The following DRD4 variants were observed in gnomAD, a reference collection of about 807,000 sequenced individuals.
DRD4 encodes the protein dopamine receptor D4.
In DRD4, 26 loss-of-function variants were observed where a neutral mutation model predicts 22.1. The observed-to-expected ratio is 1.17, with a 90% CI of 0.86 to 1.63. The LOEUF is 1.63. DRD4 is among the 40% of genes most tolerant of loss of function. The pLI is 0.00. For synonymous variants in DRD4, 455 were observed against 306.7 expected (o/e 1.48, Z -5.05); for missense variants, 913 against 632.4 (o/e 1.44, Z -4.76).
chr11:637,384 C>G lies in DRD4; in HGVS notation c.80C>G (p.Ser27Cys), dbSNP rs1022471416. 12 of 1,417,798 alleles carry G rather than the reference C, an allele frequency of 8.5e-6. No individual in the cohort carries two copies. In the African/African-American group the frequency reaches 1.8e-4, roughly 21 times the overall value. The allele number at this position is 1,417,798 out of a possible 1,614,324, so 87.8% of individuals were successfully genotyped here. A position where few individuals can be genotyped will look rare whatever the true frequency, so the allele number is the denominator to read the frequency against. ...GPAAGASAGA[S>C]AGLAGQGAAA... ...GCCGCGGGGGCATCTGCGGGGGCAT[C>G]TGCGGGGCTGGCTGGGCAGGGCGCG... Residue 27 changes from serine (S) to cysteine (C), a missense_variant, in exon 1 of 4, where the codon TCT becomes TGT. Physicochemically the swap from Ser to Cys is moderately radical, Grantham distance 112. Transcript: ENST00000176183.
Position 639,994 on chromosome 11 carries a change from C to G in DRD4, c.745C>G (p.Pro249Ala). 1 of 1,316,938 alleles carries G rather than the reference C, an allele frequency of 7.6e-7. No individual in the cohort carries two copies. The highest frequency in any genetic ancestry group is 9.6e-7 in the Non-Finnish European group (1 of 1,044,654). 81.6% of individuals were successfully genotyped at this position (1,316,938 alleles called of 1,614,324 possible). A position where few individuals can be genotyped will look rare whatever the true frequency, so the allele number is the denominator to read the frequency against. The change falls in exon 3 of 4, where the codon CCC (proline) becomes GCC (alanine). Residue 249 changes from proline to alanine, a missense_variant. Physicochemically the swap from Pro to Ala is conservative, Grantham distance 27 (BLOSUM62 -1). Transcript: ENST00000176183. ...CCCTGGCCCGCCTTCCCCCACGCCACCCGCGCCCCGCCTCCCCCAGGACCC... is the reference window on the plus strand; with the variant it reads ...CCCTGGCCCGCCTTCCCCCACGCCAGCCGCGCCCCGCCTCCCCCAGGACCC... ...SGPGPPSPTP[P>A]APRLPQDPCG...
chr11:640,283 T>C lies in DRD4; in HGVS notation c.1034T>C (p.Met345Thr), dbSNP rs1199097177. The change falls in exon 3 of 4, where the codon ATG becomes ACG. Residue 345 changes from methionine (M) to threonine (T), a missense_variant. Transcript: ENST00000176183. Reference protein sequence around the residue: ...AKITGRERKAMRVLPVVVGAF... With the variant: ...AKITGRERKATRVLPVVVGAF... The stretch of plus-strand genomic sequence containing the variant: ...ATCACCGGCCGGGAGCGCAAGGCCA[T>C]GAGGGTCCTGCCGGTGGTGGTCGGT... The C allele has an allele frequency of 1.3e-6, 2 of 1,533,696 alleles. No individual in the cohort carries two copies. The highest frequency in any genetic ancestry group is 2.4e-5 in the East Asian group (1 of 41,080).
At chr11:637,781 GCTGT>G (rs1858098062) in intron 1 of DRD4, among the ~76,000 whole-genome samples, 192 bp downstream of exon 1, 2 of 152,194 alleles carry the variant, frequency 1.3e-5, no homozygotes, top group African/African-American at 2.4e-5. Flanking sequence ...CACCCGCTGC[GCTGT>G]CTGTCCCCCG....
In DRD4 at chr11:639,782, G is replaced by T. The variant is rs2133251443; in HGVS notation, c.533G>T (p.Arg178Leu). 6.3e-7 allele frequency: 1 copy of T among 1,578,118 alleles called. No homozygotes were observed. The highest frequency in any genetic ancestry group is 8.5e-7 in the Non-Finnish European group (1 of 1,170,838). ...APVLCGLNDV[R>L]GRDPAVCRLE... ...GTACTGTGCGGCCTCAACGACGTGC[G>T]CGGCCGCGACCCCGCCGTGTGCCGC... Residue 178 changes from arginine (R) to leucine (L), a missense_variant, in exon 3 of 4, where the codon CGC (arginine) becomes CTC (leucine). Physicochemically the swap from Arg to Leu is moderately radical, Grantham distance 102. Coordinates refer to ENST00000176183, the MANE Select transcript of DRD4 (RefSeq NM_000797.4).
chr11:639,562 GCCCGCGCCCCGGCGCC>G lies in DRD4; in HGVS notation c.398+29_398+44del, dbSNP rs775045452. ...CGTGGACAGGTGCGCCGCCCTCCCC[GCCCGCGCCCCGGCGCC>G]CCCGCGCCCCGCCCGCCGCCCTCAC... On this transcript the variant is annotated intron_variant, in intron 2 of 3. Coordinates refer to ENST00000176183, the MANE Select transcript of DRD4 (RefSeq NM_000797.4). 222 of 1,437,026 alleles carry G rather than the reference GCCCGCGCCCCGGCGCC, an allele frequency of 1.5e-4. 7 individuals are homozygous for G. The South Asian group carries it at 1.7e-3, about 11-fold the overall frequency. 89.0% of individuals were successfully genotyped at this position (1,437,026 alleles called of 1,614,324 possible).
chr11:640,363 T>C, intron 3 of DRD4, 38 bp from the exon 4 acceptor site: 2 of 1,380,966 alleles, frequency 1.4e-6, no homozygotes, highest in Non-Finnish European at 2.0e-6. Flanking sequence ...CGAGGCCGGC[T>C]GGGCGGGGGG....
intron 1 of DRD4, chr11:639,118 G>A: frequency 5.1e-6 from 2 of 390,594 alleles, no homozygotes; most frequent in South Asian, 5.5e-5. Flanking sequence ...AGCCGGGGGT[G>A]GTGGCGCGCG....
Position 640,394 on chromosome 11 carries a change from C to T in DRD4, c.1058-7C>T. 2 of 1,597,608 alleles carry T rather than the reference C, an allele frequency of 1.3e-6. No homozygotes were observed. The highest frequency in any genetic ancestry group is 8.5e-7 in the Non-Finnish European group (1 of 1,178,992). Reference sequence around the variant, plus strand: ...GGGGGCGCTAACGCGGCTCTCGGCGCCCCCAGGGGCCTTCCTGCTGTGCTG... The same window carrying T: ...GGGGGCGCTAACGCGGCTCTCGGCGTCCCCAGGGGCCTTCCTGCTGTGCTG... On this transcript the variant is annotated splice_region_variant and splice_polypyrimidine_tract_variant and intron_variant, in intron 3 of 3. Coordinates refer to ENST00000176183, the MANE Select transcript of DRD4 (RefSeq NM_000797.4).
rs1023355927 is a variant in DRD4, at chr11:639,706, C to G, written c.457C>G (p.Leu153Val). ...YNRQGGSRRQ[L>V]LLIGATWLLS... ...CCGGCAGGGTGGGAGCCGCCGGCAG[C>G]TGCTGCTCATCGGCGCCACGTGGCT... Residue 153 changes from leucine to valine, a missense_variant, in exon 3 of 4, where the codon CTG becomes GTG. Transcript: ENST00000176183. 6.7e-7 allele frequency: 1 copy of G among 1,490,916 alleles called. No homozygotes were observed. The highest frequency in any genetic ancestry group is 2.2e-5 in the Admixed American group (1 of 45,728). 92.4% of individuals were successfully genotyped at this position (1,490,916 alleles called of 1,614,324 possible). A position where few individuals can be genotyped will look rare whatever the true frequency, so the allele number is the denominator to read the frequency against.
Position 639,349 on chromosome 11 carries a change from C to T in DRD4, c.286-84C>T, listed in dbSNP as rs1352258908. The T allele has an allele frequency of 6.0e-6, 8 of 1,329,850 alleles. No individual in the cohort carries two copies. The Admixed American group carries it at 8.1e-5, about 13-fold the overall frequency. 82.4% of individuals were successfully genotyped at this position (1,329,850 alleles called of 1,614,324 possible). On this transcript the variant is annotated intron_variant, in intron 1 of 3. Transcript: ENST00000176183. ...CGGGCCCCCTTCTCCGTATTCAGCC[C>T]TGGAACTACCCATAAGAGTGGGGGC...
chr11:637,718 C>A, intron 1 of DRD4, 129 bp downstream of exon 1: 1 of 1,489,840 alleles, frequency 6.7e-7, no homozygotes, highest in Non-Finnish European at 9.0e-7. Context: ...GCGGCAGGGG[C>A]GCTGCGCCTT....
chr11:639,350 T>G, intron 1 of DRD4, 83 bp from the exon 2 acceptor site: 4 of 1,326,716 alleles, frequency 3.0e-6, no homozygotes, highest in Non-Finnish European at 4.1e-6. Flanking sequence ...TATTCAGCCC[T>G]GGAACTACCC....
intron 2 of DRD4, 21 bp downstream of exon 2, chr11:639,566 G>T: frequency 7.1e-7 from 1 of 1,402,036 alleles, no homozygotes. Context: ...CTCCCCGCCC[G>T]CGCCCCGGCG....
At position 640,399 on chromosome 11, in the gene DRD4, A is replaced by G. The variant is rs769459852; in HGVS notation, c.1058-2A>G. ...CGCTAACGCGGCTCTCGGCGCCCCC[A>G]GGGGCCTTCCTGCTGTGCTGGACGC... On this transcript the variant is annotated splice_acceptor_variant, in intron 3 of 3. Transcript: ENST00000176183. LOFTEE classifies it high-confidence loss of function. 3 of 1,598,346 alleles carry G rather than the reference A, an allele frequency of 1.9e-6. No individual in the cohort carries two copies. Among genetic ancestry groups the G allele is most frequent in the Admixed American group, 1.7e-5 (1 of 59,912 alleles).
Position 639,553 on chromosome 11 carries a change from G to T in DRD4, c.398+8G>T. ...CGCCATCAGCGTGGACAGGTGCGCC[G>T]CCCTCCCCGCCCGCGCCCCGGCGCC... On this transcript the variant is annotated splice_region_variant and intron_variant, in intron 2 of 3. Transcript: ENST00000176183. 6.8e-7 allele frequency: 1 copy of T among 1,466,392 alleles called. No homozygotes were observed. The highest frequency in any genetic ancestry group is 9.0e-7 in the Non-Finnish European group (1 of 1,110,926). 90.8% of individuals were successfully genotyped at this position (1,466,392 alleles called of 1,614,324 possible). A position where few individuals can be genotyped will look rare whatever the true frequency, so the allele number is the denominator to read the frequency against.
rs773248526 is a variant in DRD4, at chr11:640,471, C to T, written c.1128C>T (p.Ser376=). The T allele has an allele frequency of 5.0e-6, 8 of 1,602,082 alleles. No homozygotes were observed. The East Asian group carries it at 1.6e-4, about 31-fold the overall frequency. The part of the protein sequence containing the change: ...HITQALCPAC[S]VPPRLVSAVT... Reference sequence around the variant, plus strand: ...CGCAGGCGCTGTGTCCTGCCTGCTCCGTGCCCCCGCGGCTGGTCAGCGCCG... The same window carrying T: ...CGCAGGCGCTGTGTCCTGCCTGCTCTGTGCCCCCGCGGCTGGTCAGCGCCG... Residue 376 remains serine (S), a synonymous_variant, in exon 4 of 4, where the codon TCC becomes TCT. Transcript: ENST00000176183.
At position 639,817 on chromosome 11, in the gene DRD4, C is replaced by A. The variant is rs780489371; in HGVS notation, c.568C>A (p.Arg190Ser). Residue 190 changes from arginine to serine, a missense_variant, in exon 3 of 4, where the codon CGC becomes AGC. Physicochemically the swap from Arg to Ser is moderately radical, Grantham distance 110. Coordinates refer to ENST00000176183, the MANE Select transcript of DRD4 (RefSeq NM_000797.4). ...CCCCGCCGTGTGCCGCCTGGAGGAC[C>A]GCGACTACGTGGTCTACTCGTCCGT... ...RDPAVCRLED[R>S]DYVVYSSVCS... 6.3e-7 allele frequency: 1 copy of A among 1,582,820 alleles called. No individual in the cohort carries two copies. Among genetic ancestry groups the A allele is most frequent in the South Asian group, 1.1e-5 (1 of 89,438 alleles).
chr11:637,373 TGCGGGGGCATCTGCGGG>T lies in DRD4; in HGVS notation c.72_88del (p.Ala26TrpfsTer418). 1 of 1,173,572 alleles carries T rather than the reference TGCGGGGGCATCTGCGGG, an allele frequency of 8.5e-7. No homozygotes were observed. The highest frequency in any genetic ancestry group is 1.1e-6 in the Non-Finnish European group (1 of 919,560). 72.7% of individuals were successfully genotyped at this position (1,173,572 alleles called of 1,614,324 possible). ...GGCGCGGGCCGGCCGCGGGGGCATC[TGCGGGGGCATCTGCGGG>T]GCTGGCTGGGCAGGGCGCGGCGGCG... On this transcript the variant is annotated frameshift_variant, in exon 1 of 4. Coordinates refer to ENST00000176183, the MANE Select transcript of DRD4 (RefSeq NM_000797.4). LOFTEE classifies it high-confidence loss of function.
At position 640,191 on chromosome 11, in the gene DRD4, C is replaced by T; in HGVS notation, c.942C>T (p.Asp314=). 1.3e-6 allele frequency: 2 copies of T among 1,527,698 alleles called. No homozygotes were observed. Among genetic ancestry groups the T allele is most frequent in the Non-Finnish European group, 1.7e-6 (2 of 1,144,308 alleles). 94.6% of individuals were successfully genotyped at this position (1,527,698 alleles called of 1,614,324 possible). A position where few individuals can be genotyped will look rare whatever the true frequency, so the allele number is the denominator to read the frequency against. ...DPCGSNCAPP[D]AVRAAALPPQ... is the part of the protein sequence containing the mutation. Reference sequence around the variant, plus strand: ...GCGGCTCCAACTGTGCTCCCCCCGACGCCGTCAGAGCCGCCGCGCTCCCAC... The same window carrying T: ...GCGGCTCCAACTGTGCTCCCCCCGATGCCGTCAGAGCCGCCGCGCTCCCAC... The change falls in exon 3 of 4, where the codon GAC becomes GAT. Residue 314 remains aspartate, a synonymous_variant. Coordinates refer to ENST00000176183, the MANE Select transcript of DRD4 (RefSeq NM_000797.4).
Sources: gnomAD v4.1 joint callset for allele counts (sites outside exome capture counted in the v4.1 genomes callset) on GRCh38, gnomAD v4.1.1 for gene constraint, MANE v1.5 for transcripts, NCBI Gene and HGNC (gene_info 2026-07-23, HGNC 2026-07-21) for gene names.